Variants in ANKRD26 observed in about 807,000 individuals in gnomAD.
The protein encoded by ANKRD26 is ankyrin repeat domain 26.
ANKRD26 carries 141 observed loss-of-function variants against 208.7 expected under a neutral mutation model. The observed-to-expected ratio is 0.68, with a 90% CI of 0.59 to 0.78. ANKRD26 has a LOEUF of 0.78. ANKRD26 is among the 30% of genes least tolerant of loss of function. The probability of loss-of-function intolerance (pLI) is 0.00; values close to 1 mark genes in which losing one functional copy is unlikely to be tolerated. For synonymous variants in ANKRD26, 636 were observed against 660.4 expected (o/e 0.96, Z 0.57); for missense variants, 1,889 against 1,938.7 (o/e 0.97, Z 0.48).
chr10:27,081,943 A>G (rs189693516), intron 6 of ANKRD26, among the ~76,000 whole-genome samples: 196 of 151,630 alleles, frequency 1.3e-3, no homozygotes, highest in Admixed American at 5.1e-3. Flanking sequence ...TCACCGTGTT[A>G]GCCAGGCTGG....
downstream of ANKRD26, among the ~76,000 whole-genome samples, chr10:26,971,146 G>A (rs973588286): frequency 6.6e-6 from 1 of 152,238 alleles, no homozygotes; most frequent in African/African-American, 2.4e-5. Context: ...AGCACTTTGG[G>A]AGGCCAAGGT....
intron 20 of ANKRD26, 56 bp downstream of exon 20, chr10:27,043,370 T>A (rs983771585): frequency 1.3e-6 from 2 of 1,573,764 alleles, no homozygotes; most frequent in Non-Finnish European, 1.7e-6. Flanking sequence ...TTTATTACAT[T>A]ACATACATTA....
chr10:27,044,288 A>G, intron 18 of ANKRD26, 98 bp from the exon 19 acceptor site: 3 of 1,085,974 alleles, frequency 2.8e-6, no homozygotes, highest in East Asian at 3.4e-5. Flanking sequence ...CTGCATTTGT[A>G]ATTTATTTAC....
At chr10:26,954,102 T>C in the ANKRD26 span, among the ~76,000 whole-genome samples, 1 of 152,270 alleles carries the variant, frequency 6.6e-6, no homozygotes, top group Admixed American at 6.5e-5. Context: ...TTTGATTGAC[T>C]ACACAGTTAT....
chr10:26,957,362 T>C, the ANKRD26 span, among the ~76,000 whole-genome samples: 2 of 152,162 alleles, frequency 1.3e-5, no homozygotes, highest in Non-Finnish European at 2.9e-5. Flanking sequence ...CACTACAGCC[T>C]GGGTGACAGA....
intron 3 of ANKRD26, among the ~76,000 whole-genome samples, chr10:26,984,876 A>T (rs1482936078): frequency 6.6e-6 from 1 of 152,116 alleles, no homozygotes; most frequent in East Asian, 1.9e-4. Flanking sequence ...GGTCCTTTCC[A>T]CCAGCCCTGA....
chr10:27,067,209 T>C lies in ANKRD26; in HGVS notation c.1155A>G (p.Thr385=). The C allele has an allele frequency of 6.2e-7, 1 of 1,613,840 alleles. No homozygotes were observed. Among genetic ancestry groups the C allele is most frequent in the Non-Finnish European group, 8.5e-7 (1 of 1,179,772 alleles). The change falls in exon 10 of 34, where the codon ACA becomes ACG. Residue 385 remains threonine (T), a synonymous_variant. Coordinates refer to ENST00000376087, the MANE Select transcript of ANKRD26 (RefSeq NM_014915.3). ...DIIESAPLEQ[T]NNDNLTYVDE... ...CAACATAAGTCAAATTGTCATTATT[T>C]GTTTGCTCTAGTGGAGCACTTTCAA... is the stretch of plus-strand genomic sequence containing the variant.
the ANKRD26 span, among the ~76,000 whole-genome samples, chr10:26,957,185 A>G: frequency 6.6e-6 from 1 of 152,180 alleles, no homozygotes; most frequent in East Asian, 1.9e-4. Context: ...AGGCAGGCAG[A>G]TAGCTTGAGA....
Position 27,034,669 on chromosome 10 carries a change from G to A in ANKRD26, c.3654+127C>T, listed in dbSNP as rs1370290052. 3.6e-5 allele frequency: 21 copies of A among 581,066 alleles called. No homozygotes were observed. In the East Asian group the frequency reaches 6.4e-4, roughly 18 times the overall value. 36.0% of individuals were successfully genotyped at this position (581,066 alleles called of 1,614,324 possible). A position where few individuals can be genotyped will look rare whatever the true frequency, so the allele number is the denominator to read the frequency against. On this transcript the variant is annotated intron_variant, in intron 24 of 33. Coordinates refer to ENST00000376087, the MANE Select transcript of ANKRD26 (RefSeq NM_014915.3). ...AGCTCTTTTATTTGCTGAAAACAAGGGATGTTTCTAAACTGATAGAGTAAA... is the reference window on the plus strand; with the variant it reads ...AGCTCTTTTATTTGCTGAAAACAAGAGATGTTTCTAAACTGATAGAGTAAA...
intron 12 of ANKRD26, chr10:27,061,890 T>G (rs781610480): frequency 3.2e-4 from 299 of 944,882 alleles, no homozygotes; most frequent in Non-Finnish European, 3.4e-4. Flanking sequence ...TGATGTCTGA[T>G]AGTTATAGAA....
the ANKRD26 span, among the ~76,000 whole-genome samples, chr10:26,955,843 T>C: frequency 6.6e-6 from 1 of 152,252 alleles, no homozygotes; most frequent in African/African-American, 2.4e-5. Context: ...ATTATGTTCA[T>C]AAAGTGGAAA....
intron 1 of ANKRD26, among the ~76,000 whole-genome samples, chr10:27,097,981 T>C (rs1274651972): frequency 6.6e-6 from 1 of 152,104 alleles, no homozygotes; most frequent in Non-Finnish European, 1.5e-5. Flanking sequence ...GGTATTTTTA[T>C]TGTCATAAGG....
chr10:27,035,718 G>A lies in ANKRD26; in HGVS notation c.2732C>T (p.Ser911Leu), dbSNP rs373167535. ...SHSHEEEKDL[S>L]HKNSMLQEEI... Reference sequence around the variant, plus strand: ...TTCCTGCAACATGCTATTTTTATGCGATAGGTCTTTTTCTTCTTCATGACT... The same window carrying A: ...TTCCTGCAACATGCTATTTTTATGCAATAGGTCTTTTTCTTCTTCATGACT... The change falls in exon 24 of 34, where the codon TCG (serine) becomes TTG (leucine). Residue 911 changes from serine (S) to leucine (L), a missense_variant. Physicochemically the swap from Ser to Leu is moderately radical, Grantham distance 145 (BLOSUM62 -2). Transcript: ENST00000376087. 22 of 1,607,320 alleles carry A rather than the reference G, an allele frequency of 1.4e-5. No individual in the cohort carries two copies. In the African/African-American group the frequency reaches 1.9e-4, roughly 14 times the overall value.
intron 18 of ANKRD26, 114 bp from the exon 19 acceptor site, chr10:27,044,304 T>G (rs2054366461): frequency 1.0e-6 from 1 of 956,318 alleles, no homozygotes; most frequent in Non-Finnish European, 1.5e-6. Flanking sequence ...TTTACCCTAT[T>G]CATAAAGTTT....
chr10:27,039,922 A>C (rs781047440), intron 21 of ANKRD26, 43 bp downstream of exon 21: 1 of 1,548,706 alleles, frequency 6.5e-7, no homozygotes, highest in Admixed American at 1.7e-5. Flanking sequence ...ATATATCTTT[A>C]GTACAAATAG....
At chr10:27,072,777 G>A (rs1224382206) in intron 9 of ANKRD26, among the ~76,000 whole-genome samples, 1 of 152,242 alleles carries the variant, frequency 6.6e-6, no homozygotes, top group Non-Finnish European at 1.5e-5. Flanking sequence ...TGGCTAACCA[G>A]GAGGTCCTGC....
Position 27,100,291 on chromosome 10 carries a change from G to C in ANKRD26, c.36C>G (p.Pro12=). 1 of 1,609,984 alleles carries C rather than the reference G, an allele frequency of 6.2e-7. No individual in the cohort carries two copies. Among genetic ancestry groups the C allele is most frequent in the Non-Finnish European group, 8.5e-7 (1 of 1,179,556 alleles). The stretch of plus-strand genomic sequence containing the variant: ...TCTGCCGCCGCGCGAAGGAGCCCAA[G>C]GGCGACTCGCCCTTCTTACTAAAAA... The part of the protein sequence containing the change: ...KKIFSKKGES[P]LGSFARRQRS... Residue 12 remains proline, a synonymous_variant, in exon 1 of 34, where the codon CCC becomes CCG. Transcript: ENST00000376087.
At chr10:27,037,443 C>A (rs972178266) in intron 22 of ANKRD26, 120 bp from the exon 23 acceptor site, 17 of 1,063,426 alleles carry the variant, frequency 1.6e-5, no homozygotes, top group South Asian at 2.9e-5. Flanking sequence ...AATGCAAGAA[C>A]CTTTATTACT....
the ANKRD26 span, among the ~76,000 whole-genome samples, chr10:26,950,432 G>A: frequency 2.9e-5 from 4 of 136,548 alleles, no homozygotes; most frequent in East Asian, 2.1e-4. Context: ...GTGTGAAAAC[G>A]TACTAATATA....
Sources: allele counts gnomAD v4.1 joint callset (sites outside exome capture counted in the v4.1 genomes callset), GRCh38; gene constraint gnomAD v4.1.1; transcripts MANE v1.5; gene names NCBI Gene and HGNC (gene_info 2026-07-23, HGNC 2026-07-21).